Variants in ABCC12 observed in about 807,000 individuals in gnomAD.
The protein encoded by ABCC12 is ATP-binding cassette sub-family C member 12.
ABCC12 carries 142 observed loss-of-function variants against 151.1 expected under a neutral mutation model. The ratio of observed to expected loss-of-function variants is 0.94; its 90% confidence interval spans 0.82 to 1.08. The LOEUF (loss-of-function observed/expected upper bound fraction) is 1.08. Ranked by LOEUF, ABCC12 falls within the 50% of genes least tolerant of loss-of-function variation. The pLI, the probability that ABCC12 is intolerant of heterozygous loss-of-function variation, is 0.00. For missense variants in ABCC12, 1,638 were observed against 1,691.1 expected (o/e 0.97, Z 0.55); for synonymous variants, 645 against 646.4 (o/e 1.00, Z 0.03).
Position 48,100,857 on chromosome 16 carries a change from C to T in ABCC12, c.3038+15G>A, listed in dbSNP as rs1597306180. On this transcript the variant is annotated intron_variant, in intron 23 of 30. Coordinates refer to ENST00000311303, the MANE Select transcript of ABCC12 (RefSeq NM_001393797.1). ...AAGCATGGGGGCCTGGGGCAGGGCC[C>T]CACATGGGACTCACTAGGTGATGCA... The T allele has an allele frequency of 6.2e-7, 1 of 1,613,036 alleles. No individual in the cohort carries two copies. The highest frequency in any genetic ancestry group is 1.3e-5 in the African/African-American group (1 of 75,014).
At chr16:48,089,306 G>A (rs1792154479) in intron 25 of ABCC12, among the ~76,000 whole-genome samples, 1 of 152,208 alleles carries the variant, frequency 6.6e-6, no homozygotes, top group Non-Finnish European at 1.5e-5. Context: ...TGTGTGACAA[G>A]GCCAGACATA....
chr16:48,085,018 T>A (rs533452994), intron 29 of ABCC12, among the ~76,000 whole-genome samples: 2 of 152,184 alleles, frequency 1.3e-5, no homozygotes, highest in South Asian at 4.2e-4. Flanking sequence ...CTTAGCAGCA[T>A]GCAGTGCCAC....
In ABCC12 at chr16:48,096,847, G is replaced by A. The variant is rs1479839394; in HGVS notation, c.3094C>T (p.Leu1032Phe). The A allele has an allele frequency of 1.2e-6, 2 of 1,614,108 alleles. No homozygotes were observed. Among genetic ancestry groups the A allele is most frequent in the East Asian group, 2.2e-5 (1 of 44,872 alleles). ...ACAGTGAAGGTAAGGATGTTCATGAGGACATCCATTCTCAGCGCAAACCAC... is the reference window on the plus strand; with the variant it reads ...ACAGTGAAGGTAAGGATGTTCATGAAGACATCCATTCTCAGCGCAAACCAC... Reference protein sequence around the residue: ...LRWFALRMDVLMNILTFTVAL... With the variant: ...LRWFALRMDVFMNILTFTVAL... Residue 1032 changes from leucine (L) to phenylalanine (F), a missense_variant, in exon 24 of 31, where the codon CTC (leucine) becomes TTC (phenylalanine). Coordinates refer to ENST00000311303, the MANE Select transcript of ABCC12 (RefSeq NM_001393797.1).
At position 48,152,671 on chromosome 16, in the gene ABCC12, G is replaced by A. The variant is rs148664382; in HGVS notation, c.-51+945C>T. 1.5e-3 allele frequency among the ~76,000 whole-genome samples: 224 copies of A among 152,298 alleles called. 1 individual carries two copies. Among genetic ancestry groups the A allele is most frequent in the Admixed American group, 2.9e-3 (45 of 15,304 alleles). ...GAATTTCCCTCTGGCCCACCAGATC[G>A]GGCCTCAACATGCTTTGGTGACAGA... On this transcript the variant is annotated intron_variant, in intron 2 of 30. Transcript: ENST00000311303.
rs778401620 is a variant in ABCC12, at chr16:48,104,255, G to T, written c.2787C>A (p.Asn929Lys). ...LDVRLPFHAE[N>K]FLQQFFMVVF... is the part of the protein sequence containing the mutation. ...CCACCATAAAAAACTGCTGCAGAAA[G>T]TTCTCTGCGTGAAACGGCAGCCTCA... The change falls in exon 22 of 31, where the codon AAC (asparagine) becomes AAA (lysine). Residue 929 changes from asparagine to lysine, a missense_variant. Coordinates refer to ENST00000311303, the MANE Select transcript of ABCC12 (RefSeq NM_001393797.1). 1.9e-6 allele frequency: 3 copies of T among 1,614,256 alleles called. No individual in the cohort carries two copies. Among genetic ancestry groups the T allele is most frequent in the Non-Finnish European group, 2.5e-6 (3 of 1,180,044 alleles).
At chr16:48,128,405 C>T (rs550439194) in intron 11 of ABCC12, 54 bp downstream of exon 11, 4 of 1,594,572 alleles carry the variant, frequency 2.5e-6, no homozygotes, top group Admixed American at 3.4e-5. Flanking sequence ...AAGGCTGTAG[C>T]TATGTAATGC....
At chr16:48,130,989 GA>G in intron 9 of ABCC12, 94 bp from the exon 10 acceptor site, 1 of 807,498 alleles carries the variant, frequency 1.2e-6, no homozygotes, top group Non-Finnish European at 2.1e-6. Flanking sequence ...GCTGAGATGA[GA>G]AATGGTGGCA....
chr16:48,130,997 G>T, intron 9 of ABCC12, 102 bp from the exon 10 acceptor site: 1 of 767,810 alleles, frequency 1.3e-6, no homozygotes, highest in Non-Finnish European at 2.2e-6. Flanking sequence ...GAGAAATGGT[G>T]GCATCGTTGG....
chr16:48,108,908 TG>T (rs1963591754), intron 18 of ABCC12, among the ~76,000 whole-genome samples: 1 of 152,318 alleles, frequency 6.6e-6, no homozygotes, highest in African/African-American at 2.4e-5. Flanking sequence ...TGGCGACCAC[TG>T]TGGGCCACTG....
rs1167404980 is a variant in ABCC12 at position 48,083,998 on chromosome 16, C to A, written c.3904G>T (p.Ala1302Ser). The A allele has an allele frequency of 6.2e-6, 10 of 1,612,774 alleles. No homozygotes were observed. Among genetic ancestry groups the A allele is most frequent in the Non-Finnish European group, 8.5e-6 (10 of 1,179,730 alleles). Reference sequence around the variant, plus strand: ...GTCAGCACAGTGCAGCCCTTGAAGGCATCTTTGATGGTGTTCTGAACCAGG... The same window carrying A: ...GTCAGCACAGTGCAGCCCTTGAAGGAATCTTTGATGGTGTTCTGAACCAGG... ...DTLVQNTIKD[A>S]FKGCTVLTIA... is the part of the protein sequence containing the mutation. Residue 1302 changes from alanine to serine, a missense_variant, in exon 30 of 31, where the codon GCC becomes TCC. By Grantham distance (99) the Ala-to-Ser change is moderately conservative. Transcript: ENST00000311303.
intron 15 of ABCC12, among the ~76,000 whole-genome samples, chr16:48,113,108 C>G (rs1197732548): frequency 1.3e-5 from 2 of 152,158 alleles, no homozygotes; most frequent in Non-Finnish European, 2.9e-5. Context: ...TTCCCTGATA[C>G]TGCACGGTTC....
intron 22 of ABCC12, among the ~76,000 whole-genome samples, chr16:48,103,480 A>G (rs1356061476): frequency 1.3e-5 from 2 of 152,238 alleles, no homozygotes; most frequent in Non-Finnish European, 2.9e-5. Context: ...GGTGAGGCAT[A>G]TATTTCAATG....
intron 2 of ABCC12, among the ~76,000 whole-genome samples, chr16:48,147,197 G>A (rs1048947571): frequency 1.3e-5 from 2 of 152,032 alleles, no homozygotes; most frequent in Non-Finnish European, 2.9e-5. Flanking sequence ...TGCAATGTCT[G>A]TTCAGTCCCC....
chr16:48,095,238 A>AT (rs1032465619), intron 24 of ABCC12, among the ~76,000 whole-genome samples: 1 of 152,092 alleles, frequency 6.6e-6, no homozygotes, highest in Non-Finnish European at 1.5e-5. Flanking sequence ...AGAGCTGATG[A>AT]TTTTATGAGG....
chr16:48,117,289 C>T lies in ABCC12; in HGVS notation c.1757G>A (p.Ser586Asn). The change falls in exon 14 of 31, where the codon AGC becomes AAC. Residue 586 changes from serine (S) to asparagine (N), a missense_variant. Physicochemically the swap from Ser to Asn is conservative, Grantham distance 46 (BLOSUM62 1). Transcript: ENST00000311303. ...VRVCGLQKDLSNLPYGDLTEI... is the reference protein window; with the variant it reads ...VRVCGLQKDLNNLPYGDLTEI... ...AGTCAGGTCTCCATAGGGGAGGTTGCTCAGGTCCTTCTGGAGGCCACAGAC... is the reference window on the plus strand; with the variant it reads ...AGTCAGGTCTCCATAGGGGAGGTTGTTCAGGTCCTTCTGGAGGCCACAGAC... 1 of 1,613,902 alleles carries T rather than the reference C, an allele frequency of 6.2e-7. No homozygotes were observed. Among genetic ancestry groups the T allele is most frequent in the Non-Finnish European group, 8.5e-7 (1 of 1,179,936 alleles).
chr16:48,131,026 C>T (rs533000834), intron 9 of ABCC12, 131 bp from the exon 10 acceptor site: 2 of 638,910 alleles, frequency 3.1e-6, no homozygotes, highest in East Asian at 2.8e-5. Context: ...GAGGAACAAT[C>T]TTTTCATTTC....
chr16:48,145,619 C>G (rs1264608749), intron 3 of ABCC12, among the ~76,000 whole-genome samples: 1 of 152,214 alleles, frequency 6.6e-6, no homozygotes, highest in Non-Finnish European at 1.5e-5. Flanking sequence ...ACCTGAATCT[C>G]AAGAAGCCCT....
intron 29 of ABCC12, 104 bp downstream of exon 29, chr16:48,085,489 C>T (rs1962548557): frequency 8.4e-6 from 8 of 957,804 alleles, no homozygotes; most frequent in Non-Finnish European, 1.6e-6. Context: ...GGCTCAATTG[C>T]TGTCTCTTTG....
intron 2 of ABCC12, chr16:48,146,728 C>G (rs897861535): frequency 3.6e-6 from 1 of 275,640 alleles, no homozygotes; most frequent in Non-Finnish European, 6.9e-6. Flanking sequence ...GCAGAAAACC[C>G]TATGGTGTGG....
Sources: allele counts gnomAD v4.1 joint callset (sites outside exome capture counted in the v4.1 genomes callset), GRCh38; gene constraint gnomAD v4.1.1; transcripts MANE v1.5; gene names NCBI Gene and HGNC (gene_info 2026-07-23, HGNC 2026-07-21).